The following XYLT1 variants were observed in gnomAD, a reference collection of about 807,000 sequenced individuals.
XYLT1 encodes xylosyltransferase 1.
A neutral mutation model predicts 91.3 loss-of-function variants in XYLT1; 36 were observed. That is an observed-to-expected ratio of 0.39 (90% CI 0.30 to 0.52). The LOEUF (loss-of-function observed/expected upper bound fraction) is 0.52, where lower values mean the gene tolerates loss of function less well. Among genes scored for constraint, XYLT1 ranks in the 20% least tolerant of loss-of-function variants. The pLI is 0.68. For missense variants in XYLT1, 1,242 were observed against 1,284.5 expected, an observed-to-expected ratio of 0.97 and a Z score of 0.51; for synonymous variants, 588 against 532.0, an observed-to-expected ratio of 1.11 and a Z score of -1.45.
At chr16:17,292,111 C>G (rs911767480) in intron 2 of XYLT1, among the ~76,000 whole-genome samples, 3 of 135,996 alleles carry the variant, frequency 2.2e-5, no homozygotes, top group African/African-American at 5.0e-5. Flanking sequence ...CACACATATA[C>G]ACATATATAT....
chr16:17,423,150 C>G (rs529175442), intron 1 of XYLT1, among the ~76,000 whole-genome samples: 7 of 149,296 alleles, frequency 4.7e-5, no homozygotes, highest in African/African-American at 1.6e-4. Context: ...CCTCGCTGGG[C>G]TTGCCAACTT....
intron 5 of XYLT1, among the ~76,000 whole-genome samples, chr16:17,189,526 A>G (rs543485675): frequency 1.1e-4 from 17 of 152,342 alleles, no homozygotes; most frequent in Middle Eastern, 6.8e-3. Context: ...CAGATACAAC[A>G]TGGCCAGGAG....
chr16:17,103,002 C>A lies in XYLT1; in HGVS notation c.*5693G>T, dbSNP rs1966727461. Reference sequence around the variant, plus strand: ...ACTACAAAGACAATTGCGCACAATTCCAGTGAATTTCCTATGAAAACCCTG... The same window carrying A: ...ACTACAAAGACAATTGCGCACAATTACAGTGAATTTCCTATGAAAACCCTG... On this transcript the variant is annotated 3_prime_UTR_variant, in exon 12 of 12. Transcript: ENST00000261381. 2 of 151,672 alleles carry A rather than the reference C, an allele frequency of 1.3e-5. No homozygotes were observed. 9.4% of individuals were successfully genotyped at this position (151,672 alleles called of 1,614,324 possible).
intron 1 of XYLT1, among the ~76,000 whole-genome samples, chr16:17,450,255 T>C (rs956763433): frequency 5.9e-5 from 9 of 152,030 alleles, no homozygotes; most frequent in Admixed American, 2.0e-4. Flanking sequence ...GGAGAATCGC[T>C]TGAACCCAGG....
chr16:17,195,448 T>C (rs2141584257), intron 5 of XYLT1, among the ~76,000 whole-genome samples: 1 of 152,068 alleles, frequency 6.6e-6, no homozygotes, highest in South Asian at 2.1e-4. Flanking sequence ...GTTTTTTGTT[T>C]GTTTGTTTGT....
chr16:17,398,380 A>C (rs1037891166), intron 1 of XYLT1, among the ~76,000 whole-genome samples: 1 of 152,188 alleles, frequency 6.6e-6, no homozygotes, highest in Admixed American at 6.5e-5. Flanking sequence ...GTGTTTCTGC[A>C]AGACTAAAGG....
At chr16:17,339,469 T>C (rs1457147456) in intron 2 of XYLT1, among the ~76,000 whole-genome samples, 1 of 152,210 alleles carries the variant, frequency 6.6e-6, no homozygotes, top group Non-Finnish European at 1.5e-5. Context: ...TTAGACCTGA[T>C]GCCAAATCTA....
At chr16:17,244,005 G>A (rs920965735) in intron 3 of XYLT1, among the ~76,000 whole-genome samples, 7 of 152,120 alleles carry the variant, frequency 4.6e-5, no homozygotes, top group African/African-American at 1.2e-4. Flanking sequence ...AGTATCCTTC[G>A]TGTCTACGCT....
rs753990263 is a variant in XYLT1 at position 17,200,536 on chromosome 16, G to A, written c.1032C>T (p.Arg344=). 5.4e-5 allele frequency: 87 copies of A among 1,614,080 alleles called. No homozygotes were observed. The Admixed American group carries it at 1.3e-3, about 25-fold the overall frequency. The stretch of plus-strand genomic sequence containing the variant: ...CTTTGTGGTAGATGGCCTTGAACAT[G>A]CGCTGCAACTGCCGAGAGGCACGGC... The part of the protein sequence containing the change: ...VHGRASRQLQ[R]MFKAIYHKDH... The change falls in exon 4 of 12, where the codon CGC becomes CGT. Residue 344 remains arginine (R), a synonymous_variant. Coordinates refer to ENST00000261381, the MANE Select transcript of XYLT1 (RefSeq NM_022166.4).
chr16:17,115,406 C>T (rs958721878), intron 11 of XYLT1, among the ~76,000 whole-genome samples: 120 of 149,484 alleles, frequency 8.0e-4, no homozygotes, highest in African/African-American at 2.9e-3. Context: ...ATTACTTGAG[C>T]CCAGGAGCTC....
intron 2 of XYLT1, among the ~76,000 whole-genome samples, chr16:17,320,141 T>C (rs1184639338): frequency 1.3e-5 from 2 of 152,328 alleles, no homozygotes; most frequent in South Asian, 2.1e-4. Flanking sequence ...TTTGTAGTGA[T>C]ATATGTATTG....
intron 1 of XYLT1, among the ~76,000 whole-genome samples, chr16:17,401,236 C>T (rs912751357): frequency 1.6e-4 from 24 of 152,254 alleles, no homozygotes; most frequent in Middle Eastern, 3.4e-3. Context: ...GCAAGGGAAA[C>T]GGACTTCAGA....
rs151283307 is a variant in XYLT1, at chr16:17,430,376, C to G, written c.363+40058G>C. ...ACCAGTAAGTATAACACAAAATATC[C>G]CAAATCTGAAAAGATCCAGAATGCA... On this transcript the variant is annotated intron_variant, in intron 1 of 11. Coordinates refer to ENST00000261381, the MANE Select transcript of XYLT1 (RefSeq NM_022166.4). Among the ~76,000 whole-genome samples, 455 of 152,232 alleles carry G rather than the reference C, an allele frequency of 3.0e-3. 24 individuals are homozygous for G. In the East Asian group the frequency reaches 0.061, roughly 20 times the overall value.
chr16:17,138,776 C>CACAACTACCTGA (rs2030867547), intron 7 of XYLT1: 2 of 450,624 alleles, frequency 4.4e-6, no homozygotes, highest in African/African-American at 3.9e-5. Context: ...AAATGTATAA[C>CACAACTACCTGA]ACAACTACCT....
intron 5 of XYLT1, among the ~76,000 whole-genome samples, chr16:17,170,648 T>G (rs2031800250): frequency 6.6e-6 from 1 of 152,226 alleles, no homozygotes; most frequent in Admixed American, 6.5e-5. Context: ...TGAATGGCAC[T>G]GAACTGTACT....
chr16:17,221,296 T>C (rs2032963480), intron 3 of XYLT1, among the ~76,000 whole-genome samples: 1 of 152,124 alleles, frequency 6.6e-6, no homozygotes, highest in Non-Finnish European at 1.5e-5. Context: ...GCCAGAAATA[T>C]ATTGACAAAA....
intron 1 of XYLT1, among the ~76,000 whole-genome samples, chr16:17,374,830 A>G (rs2035577477): frequency 6.6e-6 from 1 of 152,032 alleles, no homozygotes; most frequent in Admixed American, 6.6e-5. Context: ...ACATCCCCCC[A>G]CCACCTCCCA....
intron 2 of XYLT1, among the ~76,000 whole-genome samples, chr16:17,289,778 C>A (rs189933278): frequency 6.6e-6 from 1 of 152,118 alleles, no homozygotes; most frequent in Admixed American, 6.6e-5. Flanking sequence ...ACAAAACAAA[C>A]GCAAACATGC....
At chr16:17,266,364 G>A (rs772169402) in intron 2 of XYLT1, among the ~76,000 whole-genome samples, 21 of 152,286 alleles carry the variant, frequency 1.4e-4, no homozygotes, top group African/African-American at 4.1e-4. Flanking sequence ...TAAGAAACAC[G>A]TATGTCTTAG....
Sources: allele counts gnomAD v4.1 joint callset (sites outside exome capture counted in the v4.1 genomes callset), GRCh38; gene constraint gnomAD v4.1.1; transcripts MANE v1.5; gene names NCBI Gene and HGNC (gene_info 2026-07-23, HGNC 2026-07-21).